C4orf50: variants seen among roughly 807,000 people sequenced by gnomAD.
The protein encoded by C4orf50 is uncharacterized protein C4orf50.
Under a neutral mutation model 77.2 loss-of-function variants are expected in C4orf50, and 80 were observed. The observed-to-expected ratio is 1.04, with a 90% confidence interval of 0.87 to 1.25. The LOEUF is 1.25. Ranked by LOEUF, C4orf50 falls within the 50% of genes most tolerant of loss-of-function variation. The probability of loss-of-function intolerance (pLI) is 0.00; values close to 1 mark genes in which losing one functional copy is unlikely to be tolerated. For missense variants in C4orf50, 1,257 were observed against 1,152.9 expected (o/e 1.09, Z -1.31); for synonymous variants, 532 against 465.3 (o/e 1.14, Z -1.84).
At chr4:5,909,698 G>A (rs1716713778) in intron 7 of C4orf50, among the ~76,000 whole-genome samples, 1 of 152,190 alleles carries the variant, frequency 6.6e-6, no homozygotes, top group African/African-American at 2.4e-5. Flanking sequence ...TGAGAGATAG[G>A]GGTCTAGTTT....
chr4:5,975,956 C>G lies in C4orf50; in HGVS notation c.3865-1G>C, dbSNP rs770462697. The stretch of plus-strand genomic sequence containing the variant: ...GTTGCTTTTTCTGAAGTTCTTCAAG[C>G]TGAAATAAAAGCGACATTTTTGACA... On this transcript the variant is annotated splice_acceptor_variant, in intron 29 of 33. Transcript: ENST00000531445. LOFTEE classifies it high-confidence loss of function. 3 of 1,613,494 alleles carry G rather than the reference C, an allele frequency of 1.9e-6. No homozygotes were observed. The highest frequency in any genetic ancestry group is 2.5e-6 in the Non-Finnish European group (3 of 1,179,516).
intron 25 of C4orf50, among the ~76,000 whole-genome samples, chr4:6,004,613 G>A (rs1487347233): frequency 1.9e-4 from 22 of 117,412 alleles, no homozygotes; most frequent in Admixed American, 8.6e-4. Context: ...TGATGATGTG[G>A]TGGTGATGGT....
At chr4:5,994,167 G>C (rs1026879440) in intron 26 of C4orf50, among the ~76,000 whole-genome samples, 180 bp downstream of exon 4, 1 of 152,228 alleles carries the variant, frequency 6.6e-6, no homozygotes, top group African/African-American at 2.4e-5. Context: ...GATCCCACCT[G>C]CAGCAGCTGT....
chr4:5,987,412 C>CA (rs58512584), intron 28 of C4orf50, among the ~76,000 whole-genome samples: 1,570 of 33,616 alleles, frequency 0.047, 216 homozygotes, highest in Middle Eastern at 0.083. Context: ...CTCTGTCTCA[C>CA]AAAAAAAAAA....
At chr4:5,987,412 CAAAAAA>C (rs58512584) in intron 28 of C4orf50, among the ~76,000 whole-genome samples, 1,033 of 33,632 alleles carry the variant, frequency 0.031, 7 homozygotes, top group African/African-American at 0.09. Flanking sequence ...CTCTGTCTCA[CAAAAAA>C]AAAAAAAAAA....
Position 5,958,772 on chromosome 4 carries a change from A to C in C4orf50, c.*603T>G, listed in dbSNP as rs1160313292. ...GTTTTTAAATGTAAAATATATGGTGACTTAGGCGTTTCACTTAGTAGACAA... is the reference window on the plus strand; with the variant it reads ...GTTTTTAAATGTAAAATATATGGTGCCTTAGGCGTTTCACTTAGTAGACAA... On this transcript the variant is annotated 3_prime_UTR_variant, in exon 34 of 34. Transcript: ENST00000531445. The surrounding 1 kb of genome is among the most constrained non-coding windows in gnomAD (Gnocchi z 5.4). 1.3e-5 allele frequency: 2 copies of C among 152,268 alleles called. No individual in the cohort carries two copies. Among genetic ancestry groups the C allele is most frequent in the African/African-American group, 2.4e-5 (1 of 41,434 alleles). The allele number at this position is 152,268 out of a possible 1,614,324, so 9.4% of individuals were successfully genotyped here. A position where few individuals can be genotyped will look rare whatever the true frequency, so the allele number is the denominator to read the frequency against.
In C4orf50 at chr4:6,011,857, C is replaced by A. The variant is rs770041163; in HGVS notation, c.399G>T (p.Ala133=). The change falls in exon 24 of 34, where the codon GCG becomes GCT. Residue 133 remains alanine, a synonymous_variant. Transcript: ENST00000531445. The surrounding 1 kb of genome is among the most constrained non-coding windows in gnomAD (Gnocchi z 4.2). ...GGCTGGCCAGCTCCCCCTGCAGCGC[C>A]GCCAGCTTCTCCTGGGCCTGGAGCC... The A allele has an allele frequency of 7.5e-6, 3 of 398,974 alleles. No homozygotes were observed. Among genetic ancestry groups the A allele is most frequent in the Non-Finnish European group, 1.3e-5 (3 of 226,084 alleles). 24.7% of individuals were successfully genotyped at this position (398,974 alleles called of 1,614,324 possible).
chr4:5,990,510 C>G, exon 28 of C4orf50: 1 of 399,186 alleles, frequency 2.5e-6, no homozygotes, highest in Non-Finnish European at 4.4e-6. Context: ...GGTGACAATC[C>G]CAGCCTGGGT....
intron 7 of C4orf50, among the ~76,000 whole-genome samples, chr4:5,951,770 C>T (rs570974990): frequency 2.0e-5 from 3 of 152,264 alleles, no homozygotes; most frequent in African/African-American, 7.2e-5. Context: ...TCCTATAATG[C>T]GTTCGCTCTC....
intron 29 of C4orf50, among the ~76,000 whole-genome samples, chr4:5,977,234 T>C (rs1435764036): frequency 6.6e-6 from 1 of 152,206 alleles, no homozygotes; most frequent in Non-Finnish European, 1.5e-5. Context: ...ATCTGAATTC[T>C]GGACCCATAA....
chr4:5,946,034 G>A (rs1448482972), intron 7 of C4orf50, among the ~76,000 whole-genome samples: 1 of 152,224 alleles, frequency 6.6e-6, no homozygotes, highest in African/African-American at 2.4e-5. Context: ...ATCAGGAGTA[G>A]GTCTGGCAGA....
chr4:5,956,156 G>T (rs949626717), downstream of C4orf50, among the ~76,000 whole-genome samples: 1 of 152,166 alleles, frequency 6.6e-6, no homozygotes, highest in Non-Finnish European at 1.5e-5. Flanking sequence ...CACAAAAAAG[G>T]CAATGTCTTC....
At chr4:6,003,671 GTGA>G (rs1721955266) in intron 25 of C4orf50, among the ~76,000 whole-genome samples, 1 of 135,930 alleles carries the variant, frequency 7.4e-6, no homozygotes, top group Non-Finnish European at 1.6e-5. Context: ...GATGGTGATG[GTGA>G]TGATAGTGAT....
In C4orf50 at chr4:5,959,544, C is replaced by T. The variant is rs762448189; in HGVS notation, c.4358G>A (p.Arg1453His). The T allele has an allele frequency of 8.1e-6, 13 of 1,614,050 alleles. No homozygotes were observed. The Admixed American group carries it at 1.2e-4, about 14-fold the overall frequency. Reference sequence around the variant, plus strand: ...GGGCATTCCGCCTTTTTCTTGCAGACGTTGTGCGGGGAGACCTGGTTCCAC... The same window carrying T: ...GGGCATTCCGCCTTTTTCTTGCAGATGTTGTGCGGGGAGACCTGGTTCCAC... The change falls in exon 34 of 34, where the codon CGT becomes CAT. Residue 1453 changes from arginine (R) to histidine (H), a missense_variant. Coordinates refer to ENST00000531445, the Ensembl canonical transcript of C4orf50.
intron 31 of C4orf50, among the ~76,000 whole-genome samples, chr4:5,971,539 G>A (rs1371346956): frequency 6.6e-6 from 1 of 152,054 alleles, no homozygotes; most frequent in African/African-American, 2.4e-5. Context: ...ACGGAAGCGT[G>A]TCCAGGCCCA....
At chr4:5,902,384 T>C (rs1217856072) in intron 7 of C4orf50, 1 of 152,198 alleles carries the variant, frequency 6.6e-6, no homozygotes, top group Admixed American at 6.5e-5. Flanking sequence ...CCCAGTGCCC[T>C]CAGTGGCTAA....
intron 7 of C4orf50, among the ~76,000 whole-genome samples, chr4:5,934,555 C>T (rs2108746988): frequency 6.6e-6 from 1 of 152,232 alleles, no homozygotes; most frequent in African/African-American, 2.4e-5. Context: ...CTCCTCCCGG[C>T]CCCACTTAAC....
chr4:5,920,068 C>A (rs1012265098), intron 7 of C4orf50, among the ~76,000 whole-genome samples: 1 of 152,218 alleles, frequency 6.6e-6, no homozygotes. Context: ...TGATTTACAG[C>A]ACACACTGTG....
At chr4:5,983,842 G>T (rs569063310) in intron 28 of C4orf50, among the ~76,000 whole-genome samples, 3 of 152,258 alleles carry the variant, frequency 2.0e-5, no homozygotes, top group Admixed American at 1.3e-4. Context: ...AGAGATAGCT[G>T]CAGAGAATGA....
Sources: allele counts gnomAD v4.1 joint callset (sites outside exome capture counted in the v4.1 genomes callset), GRCh38; gene constraint gnomAD v4.1.1; non-coding constraint Gnocchi (gnomAD v3.1); transcripts MANE v1.5; gene names NCBI Gene and HGNC (gene_info 2026-07-23, HGNC 2026-07-21).